Variants in PML observed in about 807,000 individuals in gnomAD.
The protein encoded by PML is protein PML.
A neutral mutation model predicts 65.2 loss-of-function variants in PML; 28 were observed. The observed-to-expected ratio is 0.43, with a 90% CI of 0.32 to 0.59. PML has a LOEUF of 0.59. PML is among the 20% of genes least tolerant of loss of function. PML has a pLI of 0.08. For missense variants in PML, 1,021 were observed against 1,203.4 expected, an observed-to-expected ratio of 0.85 and a Z score of 2.24; for synonymous variants, 500 against 508.8, an observed-to-expected ratio of 0.98 and a Z score of 0.23.
In PML at chr15:74,044,877, G is replaced by T. The variant is rs200030114; in HGVS notation, c.2518G>T (p.Ala840Ser). 1.3e-4 allele frequency: 214 copies of T among 1,613,580 alleles called. 1 individual carries two copies. Among genetic ancestry groups the T allele is most frequent in the Middle Eastern group, 1.2e-3 (7 of 6,062 alleles). ...CACCACGTTGCCCCCTGCCCAGCCT[G>T]CTTTCAACCTGCAGGCTCTGGGCAC... is the stretch of plus-strand genomic sequence containing the variant. ...QTTTLPPAQP[A>S]FNLQALGTYF... is the part of the protein sequence containing the mutation. The change falls in exon 9 of 9, where the codon GCT (alanine) becomes TCT (serine). Residue 840 changes from alanine (A) to serine (S), a missense_variant. Transcript: ENST00000268058.
rs2071753574 is a variant in PML, at chr15:74,044,776, T to C, written c.2417T>C (p.Met806Thr). ...RLLALHNVSF[M>T]ELLSAHRRDR... ...CTGGCCCTACACAACGTGAGCTTCA[T>C]GGAGCTGCTGAGTGCACACCGCCGT... Residue 806 changes from methionine to threonine, a missense_variant, in exon 9 of 9, where the codon ATG becomes ACG. Physicochemically the swap from Met to Thr is moderately conservative, Grantham distance 81 (BLOSUM62 -1). Transcript: ENST00000268058. The C allele has an allele frequency of 1.2e-6, 2 of 1,612,926 alleles. No homozygotes were observed. The highest frequency in any genetic ancestry group is 8.5e-7 in the Non-Finnish European group (1 of 1,180,028).
intron 7 of PML, chr15:74,036,531 T>C (rs1187672719): frequency 9.2e-6 from 9 of 975,602 alleles, no homozygotes; most frequent in African/African-American, 6.7e-5. Flanking sequence ...CCCACACTCA[T>C]GGGCATCAGA....
At chr15:74,010,507 G>A (rs185854475) in intron 2 of PML, among the ~76,000 whole-genome samples, 6 of 132,770 alleles carry the variant, frequency 4.5e-5, no homozygotes, top group African/African-American at 1.4e-4. Flanking sequence ...ACAGAGCGAG[G>A]CCTTGTCTCT....
In PML at chr15:74,046,169, A is replaced by G. The variant is rs1041270492; in HGVS notation, c.*1161A>G. The G allele has an allele frequency of 5.1e-5, 12 of 233,014 alleles. No homozygotes were observed. The highest frequency in any genetic ancestry group is 2.6e-4 in the African/African-American group (12 of 45,330). The allele number at this position is 233,014 out of a possible 1,614,324, so 14.4% of individuals were successfully genotyped here. A position where few individuals can be genotyped will look rare whatever the true frequency, so the allele number is the denominator to read the frequency against. On this transcript the variant is annotated 3_prime_UTR_variant, in exon 9 of 9. Transcript: ENST00000268058. ...TGCCATCCTGCATTTTTAGGAATGGAAAGCAGGCCTCTGAGGCAGTGGACA... is the reference window on the plus strand; with the variant it reads ...TGCCATCCTGCATTTTTAGGAATGGGAAGCAGGCCTCTGAGGCAGTGGACA...
At chr15:74,030,314 A>G (rs576985698) in intron 4 of PML, among the ~76,000 whole-genome samples, 1 of 152,186 alleles carries the variant, frequency 6.6e-6, no homozygotes, top group Non-Finnish European at 1.5e-5. Context: ...AAGTAAAGAA[A>G]ATGAAGAGCA....
rs116500336 is a variant in PML at position 73,997,205 on chromosome 15, G to A, written c.130-799G>A. On this transcript the variant is annotated intron_variant, in intron 1 of 8. Transcript: ENST00000268058. ...GGAAATGGGGTGATTTGCAAAGAGA[G>A]TAGCCTCTCTTCCTTTTGTTACTGA... 4.3e-3 allele frequency among the ~76,000 whole-genome samples: 660 copies of A among 152,334 alleles called. 2 individuals are homozygous for A. The highest frequency in any genetic ancestry group is 0.015 in the African/African-American group (641 of 41,592).
intron 2 of PML, among the ~76,000 whole-genome samples, chr15:74,006,556 A>G (rs912204015): frequency 2.0e-5 from 3 of 152,188 alleles, no homozygotes; most frequent in African/African-American, 7.2e-5. Context: ...TCTTAATGAA[A>G]GAGAAAGAAA....
At chr15:74,012,360 G>A (rs1391442173) in intron 2 of PML, among the ~76,000 whole-genome samples, 1 of 152,232 alleles carries the variant, frequency 6.6e-6, no homozygotes, top group African/African-American at 2.4e-5. Context: ...GTTTTTAGTA[G>A]AGACAGGGTT....
chr15:74,005,724 A>G (rs939161259), intron 2 of PML, among the ~76,000 whole-genome samples: 1 of 152,008 alleles, frequency 6.6e-6, no homozygotes, highest in Non-Finnish European at 1.5e-5. Context: ...ACAGAGGTGT[A>G]TGTTTCCTAC....
At chr15:74,034,185 C>T in intron 6 of PML, 1 of 493,190 alleles carries the variant, frequency 2.0e-6, no homozygotes, top group South Asian at 2.1e-5. Flanking sequence ...GACCAGGTAG[C>T]AGTTGTCAGG....
chr15:74,039,193 A>C (rs1222984173), intron 7 of PML, among the ~76,000 whole-genome samples: 1 of 152,076 alleles, frequency 6.6e-6, no homozygotes, highest in Non-Finnish European at 1.5e-5. Flanking sequence ...GATCCAGGGG[A>C]GGGGCCGTGG....
chr15:74,040,246 T>G (rs1366966516), intron 7 of PML, among the ~76,000 whole-genome samples: 1 of 152,162 alleles, frequency 6.6e-6, no homozygotes, highest in Non-Finnish European at 1.5e-5. Flanking sequence ...CAGCACTTCT[T>G]CAGTCCTTCT....
Position 74,037,567 on chromosome 15 carries a change from C to T in PML, c.1710+3037C>T. 1.0e-6 allele frequency: 1 copy of T among 985,408 alleles called. No individual in the cohort carries two copies. The highest frequency in any genetic ancestry group is 1.2e-6 in the Non-Finnish European group (1 of 829,922). 61.0% of individuals were successfully genotyped at this position (985,408 alleles called of 1,614,324 possible). On this transcript the variant is annotated intron_variant, in intron 7 of 8. Transcript: ENST00000268058. The surrounding 1 kb of genome is among the most constrained non-coding windows in gnomAD (Gnocchi z 4.2). The stretch of plus-strand genomic sequence containing the variant: ...TGCTCTCCTTGTTTACACTTCAGCC[C>T]CCTCCTTGCCCCTTCTTCACCCCAC...
Position 74,042,989 on chromosome 15 carries a change from T to C in PML, c.1711T>C (p.Ser571Pro). The change falls in exon 8 of 9, where the codon TCC (serine) becomes CCC (proline). Residue 571 changes from serine to proline, a missense_variant and splice_region_variant. Transcript: ENST00000268058. The surrounding 1 kb of genome is among the most constrained non-coding windows in gnomAD (Gnocchi z 5.3). ...GACGCTTGGTTTTTCTGTGTTGCAG[T>C]CCTCCCGAGAGCTGGATGACAGCAG... ...SSEDSDAENS[S>P]SRELDDSSSE... is the part of the protein sequence containing the mutation. 1 of 1,613,546 alleles carries C rather than the reference T, an allele frequency of 6.2e-7. No homozygotes were observed. The highest frequency in any genetic ancestry group is 1.1e-5 in the South Asian group (1 of 91,024).
intron 2 of PML, among the ~76,000 whole-genome samples, chr15:74,003,237 G>C (rs2069867957): frequency 6.6e-6 from 1 of 152,090 alleles, no homozygotes; most frequent in Non-Finnish European, 1.5e-5. Context: ...TTCAATACCA[G>C]CCTCACCAAC....
At chr15:74,039,861 G>A (rs1009452985) in intron 7 of PML, among the ~76,000 whole-genome samples, 13 of 152,208 alleles carry the variant, frequency 8.5e-5, no homozygotes, top group Admixed American at 3.3e-4. Flanking sequence ...GAGGAGGGGA[G>A]AGGCTGGATC....
At chr15:74,017,163 G>A (rs1159056881) in intron 2 of PML, among the ~76,000 whole-genome samples, 5 of 152,104 alleles carry the variant, frequency 3.3e-5, no homozygotes, top group Non-Finnish European at 7.4e-5. Flanking sequence ...TCTTTACTAT[G>A]GTGAGAGTAA....
At position 74,022,815 on chromosome 15, in the gene PML, T is replaced by C. The variant is rs775278602; in HGVS notation, c.603-13T>C. On this transcript the variant is annotated splice_polypyrimidine_tract_variant and intron_variant, in intron 2 of 8. Transcript: ENST00000268058. The stretch of plus-strand genomic sequence containing the variant: ...GGAGAGTCCTAACCCAGGCCAACCT[T>C]GTGTGTCCACAGCATCTACTGCCGA... 6.2e-7 allele frequency: 1 copy of C among 1,612,578 alleles called. No individual in the cohort carries two copies. The highest frequency in any genetic ancestry group is 2.2e-5 in the East Asian group (1 of 44,864).
chr15:74,037,775 G>C lies in PML; in HGVS notation c.1710+3245G>C, dbSNP rs1358122869. ...GGCTCTGTTTTTTCTTGGTTGTGGT[G>C]CTCCTGCAGGTTTGCTGCTGGGCCC... On this transcript the variant is annotated intron_variant, in intron 7 of 8. Coordinates refer to ENST00000268058, the MANE Select transcript of PML (RefSeq NM_033238.3). The surrounding 1 kb of genome is among the most constrained non-coding windows in gnomAD (Gnocchi z 4.2). 1.1e-6 allele frequency: 1 copy of C among 936,362 alleles called. No individual in the cohort carries two copies. Among genetic ancestry groups the C allele is most frequent in the African/African-American group, 1.8e-5 (1 of 56,202 alleles). The allele number at this position is 936,362 out of a possible 1,614,324, so 58.0% of individuals were successfully genotyped here.
Sources: gnomAD v4.1 joint callset for allele counts (sites outside exome capture counted in the v4.1 genomes callset) on GRCh38, gnomAD v4.1.1 for gene constraint, Gnocchi (gnomAD v3.1) non-coding constraint, MANE v1.5 for transcripts, NCBI Gene and HGNC (gene_info 2026-07-23, HGNC 2026-07-21) for gene names.